Variants in DNHD1 observed in about 807,000 individuals in gnomAD.
DNHD1 encodes dynein heavy chain domain-containing protein 1.
Under a neutral mutation model 458.1 loss-of-function variants are expected in DNHD1, and 383 were observed. The observed-to-expected ratio is 0.84, with a 90% CI of 0.77 to 0.91. DNHD1 has a LOEUF of 0.91. DNHD1 is among the 40% of genes least tolerant of loss of function. The pLI, the probability that DNHD1 is intolerant of heterozygous loss-of-function variation, is 0.00. For synonymous variants in DNHD1, 2,203 were observed against 2,376.9 expected, an observed-to-expected ratio of 0.93 and a Z score of 2.13; for missense variants, 5,336 against 5,866.1, an observed-to-expected ratio of 0.91 and a Z score of 2.95.
At chr11:6,561,942 T>C (rs1853597289) in intron 28 of DNHD1, among the ~76,000 whole-genome samples, 1 of 152,126 alleles carries the variant, frequency 6.6e-6, no homozygotes, top group African/African-American at 2.4e-5. Flanking sequence ...CATGGGGGTA[T>C]TGTCAATCAA....
intron 3 of DNHD1, 148 bp downstream of exon 3, chr11:6,499,109 C>T: frequency 1.2e-6 from 1 of 867,168 alleles, no homozygotes; most frequent in Non-Finnish European, 1.7e-6. Flanking sequence ...TGTGAGGCTA[C>T]TTTCCTCTTC....
Position 6,567,212 on chromosome 11 carries a change from G to C in DNHD1, c.11703G>C (p.Glu3901Asp). 1 of 1,614,004 alleles carries C rather than the reference G, an allele frequency of 6.2e-7. No individual in the cohort carries two copies. Among genetic ancestry groups the C allele is most frequent in the Non-Finnish European group, 8.5e-7 (1 of 1,179,902 alleles). ...AGCCACGTGAGATTAATCACGGGGA[G>C]GACCTGGCCAGCCATCTACTGCAAT... ...SMKPREINHG[E>D]DLASHLLQLR... The change falls in exon 36 of 43, where the codon GAG becomes GAC. Residue 3901 changes from glutamate (E) to aspartate (D), a missense_variant. Transcript: ENST00000254579.
rs1358310622 is a variant in DNHD1, at chr11:6,534,059, G to T, written c.2884G>T (p.Asp962Tyr). 2 of 1,551,526 alleles carry T rather than the reference G, an allele frequency of 1.3e-6. No individual in the cohort carries two copies. Among genetic ancestry groups the T allele is most frequent in the Non-Finnish European group, 1.7e-6 (2 of 1,146,970 alleles). ...LAKALSGPFM[D>Y]PTQDQRSTEH... ...GAAGGCCCTCTCCGGTCCCTTTATG[G>T]ACCCCACACAAGATCAGAGGAGTAC... Residue 962 changes from aspartate to tyrosine, a missense_variant, in exon 14 of 43, where the codon GAC becomes TAC. By Grantham distance (160) the Asp-to-Tyr change is radical. Transcript: ENST00000254579.
intron 24 of DNHD1, among the ~76,000 whole-genome samples, chr11:6,551,755 A>G (rs184180463): frequency 2.0e-5 from 3 of 152,280 alleles, no homozygotes; most frequent in East Asian, 1.9e-4. Flanking sequence ...ATCCTGGCCA[A>G]CATGGTGAAA....
At position 6,565,944 on chromosome 11, in the gene DNHD1, G is replaced by GT; in HGVS notation, c.11007dup (p.Ala3670CysfsTer2). On this transcript the variant is annotated frameshift_variant, in exon 33 of 43. Transcript: ENST00000254579. LOFTEE classifies it high-confidence loss of function. ...CTTCCCTACCTTAGTGTTCTTTCAG[G>GT]TGCTGACCCAGAGCTGGGTTCTCAG... The GT allele has an allele frequency of 6.4e-7, 1 of 1,551,618 alleles. No individual in the cohort carries two copies. The highest frequency in any genetic ancestry group is 1.4e-5 in the African/African-American group (1 of 73,114).
In DNHD1 at chr11:6,531,546, G is replaced by A. The variant is rs201176754; in HGVS notation, c.2348-1481G>A. Among the ~76,000 whole-genome samples, 11 of 129,724 alleles carry A rather than the reference G, an allele frequency of 8.5e-5. 1 individual carries two copies. Among genetic ancestry groups the A allele is most frequent in the African/African-American group, 2.8e-4 (10 of 35,094 alleles). 85.1% of individuals were successfully genotyped at this position (129,724 alleles called of 152,430 possible). On this transcript the variant is annotated intron_variant, in intron 12 of 42. Coordinates refer to ENST00000254579, the MANE Select transcript of DNHD1 (RefSeq NM_144666.3). The stretch of plus-strand genomic sequence containing the variant: ...CATAAACAAACAAACAAACAAACAA[G>A]CAAACAAATGTGGCAGCATTGCAAT...
chr11:6,570,959 G>A lies in DNHD1; in HGVS notation c.13447G>A (p.Gly4483Ser). Residue 4483 changes from glycine (G) to serine (S), a missense_variant, in exon 42 of 43, where the codon GGC becomes AGC. This residue lies in a region of DNHD1 where 698 missense variants were observed against 664.9 expected (regional missense o/e 1.05). Coordinates refer to ENST00000254579, the MANE Select transcript of DNHD1 (RefSeq NM_144666.3). ...GCCAAATGCACGGCGGCCTCTGGAG[G>A]GCGTCTTAGAGACCGAGGCTCTAGA... Reference protein sequence around the residue: ...LGPNARRPLEGVLETEALELS... With the variant: ...LGPNARRPLESVLETEALELS... The A allele has an allele frequency of 6.2e-7, 1 of 1,607,498 alleles. No individual in the cohort carries two copies. The highest frequency in any genetic ancestry group is 8.5e-7 in the Non-Finnish European group (1 of 1,174,826).
intron 28 of DNHD1, among the ~76,000 whole-genome samples, chr11:6,560,605 G>C (rs1589893843): frequency 6.6e-6 from 1 of 152,172 alleles, no homozygotes; most frequent in African/African-American, 2.4e-5. Context: ...CTGTGAGTCA[G>C]TTACACCAGA....
chr11:6,548,931 C>G lies in DNHD1; in HGVS notation c.7385C>G (p.Ser2462Cys), dbSNP rs1172723205. 6.4e-7 allele frequency: 1 copy of G among 1,551,412 alleles called. No individual in the cohort carries two copies. The highest frequency in any genetic ancestry group is 8.7e-7 in the Non-Finnish European group (1 of 1,146,924). Residue 2462 changes from serine to cysteine, a missense_variant and splice_region_variant, in exon 24 of 43, where the codon TCT (serine) becomes TGT (cysteine). Transcript: ENST00000254579. The surrounding 1 kb of genome is among the most constrained non-coding windows in gnomAD (Gnocchi z 4.4). ...FLLEDLHLATSDPEKSCQPVL... is the reference protein window; with the variant it reads ...FLLEDLHLATCDPEKSCQPVL... ...CTGGAGGACCTGCACCTAGCCACTT[C>G]TGGTGAGGAGCTGCGAAGAGGGAAG... is the stretch of plus-strand genomic sequence containing the variant.
chr11:6,562,081 G>T lies in DNHD1; in HGVS notation c.9520-901G>T, dbSNP rs578068692. Among the ~76,000 whole-genome samples, 72 of 151,968 alleles carry T rather than the reference G, an allele frequency of 4.7e-4. 1 individual carries two copies. In the South Asian group the frequency reaches 0.011, roughly 24 times the overall value. On this transcript the variant is annotated intron_variant, in intron 28 of 42. Transcript: ENST00000254579. ...ACCAGTTAGGAGGCCAGTGTAGAAGGTCGGGAGTGAGAGGGCCTGAGCATG... is the reference window on the plus strand; with the variant it reads ...ACCAGTTAGGAGGCCAGTGTAGAAGTTCGGGAGTGAGAGGGCCTGAGCATG...
intron 18 of DNHD1, among the ~76,000 whole-genome samples, chr11:6,540,865 T>C (rs767412904): frequency 1.3e-5 from 2 of 152,248 alleles, no homozygotes; most frequent in Non-Finnish European, 2.9e-5. Context: ...TAATGATGCA[T>C]ACATAGTTTA....
At position 6,559,043 on chromosome 11, in the gene DNHD1, T is replaced by A; in HGVS notation, c.9353T>A (p.Phe3118Tyr). ...PLVTPKTFLD[F>Y]LDTFLMLQQQ... ...GTCACCCCCAAGACCTTCCTAGACTTCCTGGACACTTTCCTGATGCTGCAG... is the reference window on the plus strand; with the variant it reads ...GTCACCCCCAAGACCTTCCTAGACTACCTGGACACTTTCCTGATGCTGCAG... The change falls in exon 27 of 43, where the codon TTC (phenylalanine) becomes TAC (tyrosine). Residue 3118 changes from phenylalanine (F) to tyrosine (Y), a missense_variant. Around this residue, in one of 4 missense-constraint regions of DNHD1, gnomAD observed 3,932 missense variants for 4,365.6 expected, o/e 0.90. Transcript: ENST00000254579. The A allele has an allele frequency of 6.4e-7, 1 of 1,551,628 alleles. No homozygotes were observed.
chr11:6,562,979 CAG>C lies in DNHD1; in HGVS notation c.9520_9521del. On this transcript the variant is annotated splice_acceptor_variant, in intron 28 of 42. Coordinates refer to ENST00000254579, the MANE Select transcript of DNHD1 (RefSeq NM_144666.3). LOFTEE classifies it high-confidence loss of function. ...GCTGCAGGGCCTGGATCTGTCTCTG[CAG>C]AGTCTCAGCATGTTTCAGCAGCAGC... The C allele has an allele frequency of 6.4e-7, 1 of 1,551,270 alleles. No homozygotes were observed. The highest frequency in any genetic ancestry group is 1.2e-5 in the South Asian group (1 of 84,016).
chr11:6,564,537 C>T lies in DNHD1; in HGVS notation c.10489C>T (p.Pro3497Ser), dbSNP rs930400980. Residue 3497 changes from proline to serine, a missense_variant, in exon 32 of 43, where the codon CCA becomes TCA. Physicochemically the swap from Pro to Ser is moderately conservative, Grantham distance 74. This residue lies in a region of DNHD1 where 3,932 missense variants were observed against 4,365.6 expected (regional missense o/e 0.90). Transcript: ENST00000254579. ...GAAGCAAAAATCTGTCAGCATACCA[C>T]CAAAGAACCCCCTGCTGGCTACACA... ...KRKQKSVSIP[P>S]KNPLLATHSP... is the part of the protein sequence containing the mutation. 86 of 1,551,704 alleles carry T rather than the reference C, an allele frequency of 5.5e-5. No individual in the cohort carries two copies. Among genetic ancestry groups the T allele is most frequent in the Admixed American group, 3.5e-4 (18 of 51,002 alleles).
Position 6,511,434 on chromosome 11 carries a change from G to A in DNHD1, c.1392+5G>A. ...TGCACATCCATTCTTCGACTGGTAA[G>A]AGGCTCTTAGTTTATTGTGGACCTC... On this transcript the variant is annotated splice_donor_5th_base_variant and intron_variant, in intron 7 of 42. Coordinates refer to ENST00000254579, the MANE Select transcript of DNHD1 (RefSeq NM_144666.3). The A allele has an allele frequency of 1.9e-6, 3 of 1,613,692 alleles. No individual in the cohort carries two copies. Among genetic ancestry groups the A allele is most frequent in the Non-Finnish European group, 2.5e-6 (3 of 1,179,678 alleles).
At chr11:6,540,993 A>G (rs1239108668) in intron 18 of DNHD1, among the ~76,000 whole-genome samples, 2 of 152,194 alleles carry the variant, frequency 1.3e-5, no homozygotes, top group African/African-American at 4.8e-5. Context: ...GCATTAATGT[A>G]TTGTCTACTA....
chr11:6,541,561 G>A (rs1375207545), intron 18 of DNHD1, among the ~76,000 whole-genome samples: 1 of 152,130 alleles, frequency 6.6e-6, no homozygotes, highest in East Asian at 1.9e-4. Context: ...AGCTTCTATC[G>A]CTCTGTGGCT....
chr11:6,525,095 G>A (rs1852684173), intron 10 of DNHD1, among the ~76,000 whole-genome samples: 1 of 152,020 alleles, frequency 6.6e-6, no homozygotes, highest in African/African-American at 2.4e-5. Flanking sequence ...CAGGCTTGTT[G>A]CCTCATAGTT....
At chr11:6,516,965 C>G (rs569786196) in intron 7 of DNHD1, among the ~76,000 whole-genome samples, 1 of 152,112 alleles carries the variant, frequency 6.6e-6, no homozygotes, top group African/African-American at 2.4e-5. Context: ...TCTTAGTCCA[C>G]TCAGGCCTCT....
Sources: gnomAD v4.1 joint callset for allele counts (sites outside exome capture counted in the v4.1 genomes callset) on GRCh38, gnomAD v4.1.1 for gene constraint, gnomAD v4.1.1 regional missense constraint, Gnocchi (gnomAD v3.1) non-coding constraint, MANE v1.5 for transcripts, NCBI Gene and HGNC (gene_info 2026-07-23, HGNC 2026-07-21) for gene names.